The following CD72 variants were observed in gnomAD, a reference collection of about 807,000 sequenced individuals.
CD72 encodes CD72 molecule, also known as B-cell differentiation antigen CD72.
CD72 carries 28 observed loss-of-function variants against 50.7 expected under a neutral mutation model. That is an observed-to-expected ratio of 0.55 (90% confidence interval 0.41 to 0.76). CD72 has a LOEUF of 0.76. Ranked by LOEUF, CD72 falls within the 30% of genes least tolerant of loss-of-function variation. The pLI is 0.00. For missense variants in CD72, 403 were observed against 420.6 expected, an observed-to-expected ratio of 0.96 and a Z score of 0.37; for synonymous variants, 176 against 171.2, an observed-to-expected ratio of 1.03 and a Z score of -0.22.
chr9:35,616,772 C>T, intron 3 of CD72, 83 bp from the exon 4 acceptor site: 2 of 1,251,020 alleles, frequency 1.6e-6, no homozygotes, highest in South Asian at 1.2e-5. Context: ...TGGGGGAGAC[C>T]CCTGGGGAAG....
upstream of CD72, among the ~76,000 whole-genome samples, chr9:35,621,275 A>G (rs1823144689): frequency 6.6e-6 from 1 of 152,156 alleles, no homozygotes; most frequent in African/African-American, 2.4e-5. Flanking sequence ...TGGCCTCCCC[A>G]CTACTCATTA....
chr9:35,616,849 G>A, intron 3 of CD72, 160 bp from the exon 4 acceptor site: 1 of 1,001,808 alleles, frequency 1.0e-6, no homozygotes. Flanking sequence ...CGGGTAGCGG[G>A]GTGTTTCGCA....
At chr9:35,622,644 G>A (rs1033818742), upstream of CD72, among the ~76,000 whole-genome samples, 11 of 151,998 alleles carry the variant, frequency 7.2e-5, no homozygotes, top group South Asian at 4.2e-4. Flanking sequence ...AAAATTAGCC[G>A]GGCATGGCGG....
intron 1 of CD72, among the ~76,000 whole-genome samples, chr9:35,634,338 C>T (rs575877381): frequency 1.9e-4 from 29 of 152,236 alleles, no homozygotes; most frequent in Non-Finnish European, 3.8e-4. Flanking sequence ...ATTTCCTCCC[C>T]ATCCCAATAA....
chr9:35,641,225 G>A (rs1471745553), intron 1 of CD72, among the ~76,000 whole-genome samples: 1 of 152,212 alleles, frequency 6.6e-6, no homozygotes, highest in Non-Finnish European at 1.5e-5. Context: ...CGGAGCATGG[G>A]CTAGCAGGCT....
At chr9:35,635,401 G>C (rs1435446653) in intron 1 of CD72, among the ~76,000 whole-genome samples, 3 of 152,142 alleles carry the variant, frequency 2.0e-5, no homozygotes, top group Non-Finnish European at 4.4e-5. Context: ...TTTTGTGCTA[G>C]ATTTTGAGAC....
Position 35,616,604 on chromosome 9 carries a change from C to A in CD72, c.348G>T (p.Val116=). 1 of 1,612,980 alleles carries A rather than the reference C, an allele frequency of 6.2e-7. No homozygotes were observed. Among genetic ancestry groups the A allele is most frequent in the South Asian group, 1.1e-5 (1 of 91,060 alleles). ...LLGVTAICLG[V]RYLQVSQQLQ... ...AGTAGGGACAGCCTTACTCACAGCG[C>A]ACTCCCAGGCAGATGGCGGTCACTC... Residue 116 remains valine, a synonymous_variant, in exon 4 of 9, where the codon GTG becomes GTT. Transcript: ENST00000259633.
chr9:35,641,824 G>A (rs1488782277), intron 1 of CD72, among the ~76,000 whole-genome samples: 3 of 152,042 alleles, frequency 2.0e-5, no homozygotes, highest in Admixed American at 6.5e-5. Context: ...CACCTCTTTA[G>A]GTTTCTGTAC....
chr9:35,638,826 A>G (rs555857188), intron 1 of CD72, among the ~76,000 whole-genome samples: 10 of 152,054 alleles, frequency 6.6e-5, no homozygotes, highest in African/African-American at 2.2e-4. Context: ...TTCCCCAGGT[A>G]TAGCTAGGCG....
chr9:35,624,260 AATAAATTT>A (rs1563897835), upstream of CD72, among the ~76,000 whole-genome samples: 1 of 137,642 alleles, frequency 7.3e-6, no homozygotes, highest in East Asian at 2.0e-4. Flanking sequence ...TAATAATAAT[AATAAATTT>A]AATTTAATAA....
chr9:35,642,832 C>T (rs1355724929), intron 1 of CD72: 1 of 152,128 alleles, frequency 6.6e-6, no homozygotes, highest in Non-Finnish European at 1.5e-5. Flanking sequence ...TGGGTTGCCG[C>T]CTTATTCTTA....
chr9:35,630,344 G>T (rs1196709807), intron 1 of CD72, among the ~76,000 whole-genome samples: 1 of 152,096 alleles, frequency 6.6e-6, no homozygotes, highest in Non-Finnish European at 1.5e-5. Flanking sequence ...GGCTGCTAAA[G>T]TGAATTTCTC....
rs1404150439 is a variant in CD72 at position 35,610,637 on chromosome 9, C to T, written c.1067G>A (p.Arg356Lys). Reference sequence around the variant, plus strand: ...CAAAGGACTGTCCTAATCTGGAAACCTGAAAGCTGTCATCTCACAGATGTA... The same window carrying T: ...CAAAGGACTGTCCTAATCTGGAAACTTGAAAGCTGTCATCTCACAGATGTA... ...LPYICEMTAFRFPD is the reference protein window; with the variant it reads ...LPYICEMTAFKFPD The change falls in exon 8 of 9, where the codon AGG becomes AAG. Residue 356 changes from arginine (R) to lysine (K), a missense_variant. Arg to Lys is a conservative substitution (Grantham distance 26, BLOSUM62 2). Coordinates refer to ENST00000259633, the MANE Select transcript of CD72 (RefSeq NM_001782.3). 1.2e-6 allele frequency: 2 copies of T among 1,614,050 alleles called. No individual in the cohort carries two copies. The highest frequency in any genetic ancestry group is 2.2e-5 in the East Asian group (1 of 44,886).
intron 1 of CD72, among the ~76,000 whole-genome samples, chr9:35,638,655 T>A (rs1823312720): frequency 6.6e-6 from 1 of 151,272 alleles, no homozygotes. Flanking sequence ...CTGCAGTGAC[T>A]TAAATGTCAT....
Position 35,616,602 on chromosome 9 carries a change from C to A in CD72, c.350G>T (p.Arg117Leu). The A allele has an allele frequency of 1.2e-6, 2 of 1,612,250 alleles. No individual in the cohort carries two copies. The highest frequency in any genetic ancestry group is 8.5e-7 in the Non-Finnish European group (1 of 1,178,388). Residue 117 changes from arginine to leucine, a missense_variant and splice_region_variant, in exon 4 of 9, where the codon CGC (arginine) becomes CTC (leucine). Coordinates refer to ENST00000259633, the MANE Select transcript of CD72 (RefSeq NM_001782.3). ...LGVTAICLGV[R>L]YLQVSQQLQQ... ...GAAGTAGGGACAGCCTTACTCACAG[C>A]GCACTCCCAGGCAGATGGCGGTCAC...
chr9:35,634,639 C>G (rs958834445), intron 1 of CD72, among the ~76,000 whole-genome samples: 2 of 152,228 alleles, frequency 1.3e-5, no homozygotes, highest in African/African-American at 4.8e-5. Context: ...AGGCGTGAGC[C>G]ACCGCGGCTG....
chr9:35,635,370 C>G (rs1186009103), intron 1 of CD72, among the ~76,000 whole-genome samples: 8 of 152,112 alleles, frequency 5.3e-5, no homozygotes, highest in Non-Finnish European at 8.8e-5. Flanking sequence ...TACCTTCTAC[C>G]ACATATTTGC....
chr9:35,624,552 T>C (rs1319094403), intron 1 of CD72, among the ~76,000 whole-genome samples: 1 of 152,028 alleles, frequency 6.6e-6, no homozygotes, highest in Non-Finnish European at 1.5e-5. Context: ...CTGGCAGAGG[T>C]GACTGAACCT....
chr9:35,624,609 A>G (rs1353179468), intron 1 of CD72, among the ~76,000 whole-genome samples: 1 of 152,146 alleles, frequency 6.6e-6, no homozygotes, highest in Non-Finnish European at 1.5e-5. Flanking sequence ...TACATACTGT[A>G]GGAATGTCCA....
Sources: gnomAD v4.1 joint callset for allele counts (sites outside exome capture counted in the v4.1 genomes callset) on GRCh38, gnomAD v4.1.1 for gene constraint, MANE v1.5 for transcripts, NCBI Gene and HGNC (gene_info 2026-07-23, HGNC 2026-07-21) for gene names.